The following SOS2 variants were observed in gnomAD, a reference collection of about 807,000 sequenced individuals.
SOS2 encodes the protein SOS Ras/Rho guanine nucleotide exchange factor 2.
A neutral mutation model predicts 148.2 loss-of-function variants in SOS2; 65 were observed. That is an observed-to-expected ratio of 0.44 (90% CI 0.36 to 0.54). The LOEUF is 0.54. Ranked by LOEUF, SOS2 falls within the 20% of genes least tolerant of loss-of-function variation. The pLI is 0.00. For missense variants in SOS2, 1,341 were observed against 1,590.2 expected (o/e 0.84, Z 2.67); for synonymous variants, 539 against 537.1 (o/e 1.00, Z -0.05).
At chr14:50,182,288 T>TTCCTACCTCAGCC (rs1885769986) in intron 6 of SOS2, among the ~76,000 whole-genome samples, 175 bp downstream of exon 6, 1 of 151,836 alleles carries the variant, frequency 6.6e-6, no homozygotes, top group Non-Finnish European at 1.5e-5. Flanking sequence ...TCTCCCAGGC[T>TTCCTACCTCAGCC]TCCTACCTCA....
In SOS2 at chr14:50,180,643, T is replaced by G; in HGVS notation, c.898A>C (p.Ile300Leu). ...FDPYETLSQD[I>L]LSPEFHEHFN... ...TGTTCATGAAACTCTGGTGAAAGAA[T>G]GTCCTGTGATAATGTTTCATAAGGA... The change falls in exon 7 of 23, where the codon ATT (isoleucine) becomes CTT (leucine). Residue 300 changes from isoleucine (I) to leucine (L), a missense_variant. Physicochemically the swap from Ile to Leu is conservative, Grantham distance 5. Around this residue, in one of 4 missense-constraint regions of SOS2, gnomAD observed 574 missense variants for 711.1 expected, o/e 0.81. Coordinates refer to ENST00000216373, the MANE Select transcript of SOS2 (RefSeq NM_006939.4). 6 of 1,602,720 alleles carry G rather than the reference T, an allele frequency of 3.7e-6. No individual in the cohort carries two copies. The highest frequency in any genetic ancestry group is 4.3e-6 in the Non-Finnish European group (5 of 1,175,306).
intron 1 of SOS2, among the ~76,000 whole-genome samples, chr14:50,226,013 C>G (rs867558231): frequency 6.6e-6 from 1 of 151,900 alleles, no homozygotes; most frequent in Non-Finnish European, 1.5e-5. Context: ...CCTTCCCCCC[C>G]GCCCTTTTTT....
intron 8 of SOS2, among the ~76,000 whole-genome samples, chr14:50,173,250 T>C (rs908597234): frequency 2.0e-5 from 3 of 152,140 alleles, no homozygotes; most frequent in African/African-American, 7.2e-5. Flanking sequence ...ACTTTTTCCG[T>C]CTAATCCATG....
intron 6 of SOS2, 50 bp downstream of exon 6, chr14:50,182,413 C>A (rs1007422460): frequency 1.3e-6 from 2 of 1,547,030 alleles, no homozygotes; most frequent in Non-Finnish European, 1.8e-6. Context: ...AAGTTTCTTA[C>A]TACAGCATTT....
chr14:50,174,860 C>G (rs1160429791), intron 7 of SOS2, among the ~76,000 whole-genome samples: 2 of 152,178 alleles, frequency 1.3e-5, no homozygotes, highest in African/African-American at 2.4e-5. Context: ...GCTATGTACT[C>G]TCCTGCACAA....
At position 50,204,316 on chromosome 14, in the gene SOS2, T is replaced by C. The variant is rs774761716; in HGVS notation, c.181A>G (p.Met61Val). ...TCTTGAACAGTCCTTGGCTGGGCCA[T>C]GCATAATTTATTAAGCAGCTGAAAA... is the stretch of plus-strand genomic sequence containing the variant. ...LIFQLLNKLC[M>V]AQPRTVQDVE... Residue 61 changes from methionine (M) to valine (V), a missense_variant, in exon 2 of 23, where the codon ATG (methionine) becomes GTG (valine). By Grantham distance (21) the Met-to-Val change is conservative. Transcript: ENST00000216373. 3 of 1,604,842 alleles carry C rather than the reference T, an allele frequency of 1.9e-6. No homozygotes were observed. The highest frequency in any genetic ancestry group is 1.7e-5 in the Admixed American group (1 of 58,246).
intron 4 of SOS2, among the ~76,000 whole-genome samples, chr14:50,189,023 C>T (rs1372885642): frequency 6.6e-6 from 1 of 151,058 alleles, no homozygotes; most frequent in Non-Finnish European, 1.5e-5. Context: ...CATGATCACA[C>T]CACTGCACTC....
rs374904640 is a variant in SOS2 at position 50,207,831 on chromosome 14, G to A, written c.88-3422C>T. On this transcript the variant is annotated intron_variant, in intron 1 of 22. Transcript: ENST00000216373. ...TAAGGCAGGAGAACTGCTTGAACCC[G>A]GGAGACAGACGCTGCCGTGAGCTGA... Among the ~76,000 whole-genome samples the A allele has an allele frequency of 9.9e-5, 15 of 151,180 alleles. No individual in the cohort carries two copies. In the East Asian group the frequency reaches 1.6e-3, roughly 16 times the overall value.
chr14:50,198,797 CT>C (rs1394178611), intron 4 of SOS2, among the ~76,000 whole-genome samples: 2 of 152,200 alleles, frequency 1.3e-5, no homozygotes, highest in African/African-American at 4.8e-5. Flanking sequence ...CTGTAATTAT[CT>C]GTTTATAATA....
chr14:50,231,161 G>A (rs758768038), intron 1 of SOS2, 36 bp downstream of exon 1: 9 of 1,285,872 alleles, frequency 7.0e-6, no homozygotes, highest in East Asian at 3.0e-5. Context: ...GGGGGGCCAC[G>A]GGCCACCCGC....
chr14:50,144,729 C>A (rs1463106967), intron 16 of SOS2, among the ~76,000 whole-genome samples: 1 of 152,110 alleles, frequency 6.6e-6, no homozygotes, highest in Non-Finnish European at 1.5e-5. Context: ...TGAGCCACCA[C>A]GCCTGGCCAA....
intron 1 of SOS2, among the ~76,000 whole-genome samples, chr14:50,222,940 T>C (rs73291661): frequency 0.26 from 39,304 of 151,988 alleles, 5,629 homozygotes; most frequent in East Asian, 0.45. Flanking sequence ...CAGAGACCAG[T>C]TGAAAAGATA....
chr14:50,162,334 G>A (rs1229997828), intron 8 of SOS2, among the ~76,000 whole-genome samples: 1 of 151,330 alleles, frequency 6.6e-6, no homozygotes, highest in East Asian at 2.0e-4. Context: ...TAGAGATAGG[G>A]TCTCACTAGG....
intron 4 of SOS2, among the ~76,000 whole-genome samples, chr14:50,197,837 T>C (rs1281362983): frequency 6.6e-6 from 1 of 151,862 alleles, no homozygotes; most frequent in Non-Finnish European, 1.5e-5. Context: ...TACAGGCATA[T>C]GCCACCATGC....
intron 14 of SOS2, among the ~76,000 whole-genome samples, chr14:50,148,409 CAA>C (rs3072684): frequency 0.53 from 62,183 of 117,916 alleles, 15,614 homozygotes; most frequent in African/African-American, 0.69. Context: ...GACACCATCT[CAA>C]AAAAAAAAAA....
rs1249312381 is a variant in SOS2, at chr14:50,204,375, T to C, written c.122A>G (p.Asn41Ser). The C allele has an allele frequency of 3.8e-6, 6 of 1,586,028 alleles. No individual in the cohort carries two copies. Among genetic ancestry groups the C allele is most frequent in the African/African-American group, 1.3e-5 (1 of 74,138 alleles). Residue 41 changes from asparagine to serine, a missense_variant, in exon 2 of 23, where the codon AAT becomes AGT. Physicochemically the swap from Asn to Ser is conservative, Grantham distance 46. Around this residue, in one of 4 missense-constraint regions of SOS2, gnomAD observed 574 missense variants for 711.1 expected, o/e 0.81. Coordinates refer to ENST00000216373, the MANE Select transcript of SOS2 (RefSeq NM_006939.4). ...QEQVHPTLSA[N>S]EESLYYIEEL... is the part of the protein sequence containing the mutation. The stretch of plus-strand genomic sequence containing the variant: ...TTCAATATAATAGAGAGACTCTTCA[T>C]TAGCTGAGAGAGTGGGATGCACTTG...
chr14:50,159,310 C>A, intron 10 of SOS2, 121 bp downstream of exon 10: 1 of 562,132 alleles, frequency 1.8e-6, no homozygotes, highest in Non-Finnish European at 3.2e-6. Flanking sequence ...TTTGTTTTTG[C>A]AGTATTTTTA....
chr14:50,173,800 T>TC (rs1278173811), intron 8 of SOS2, among the ~76,000 whole-genome samples: 2 of 152,148 alleles, frequency 1.3e-5, no homozygotes, highest in Non-Finnish European at 1.5e-5. Flanking sequence ...CATAAAGAAC[T>TC]CATCAAAAGA....
chr14:50,127,830 T>G (rs1340884244), intron 21 of SOS2, among the ~76,000 whole-genome samples: 2 of 152,226 alleles, frequency 1.3e-5, no homozygotes, highest in African/African-American at 2.4e-5. Context: ...TTAAAAATTA[T>G]GTACTGAGTA....
Sources: gnomAD v4.1 joint callset for allele counts (sites outside exome capture counted in the v4.1 genomes callset) on GRCh38, gnomAD v4.1.1 for gene constraint, gnomAD v4.1.1 regional missense constraint, MANE v1.5 for transcripts, NCBI Gene and HGNC (gene_info 2026-07-23, HGNC 2026-07-21) for gene names.